ANKRD18A: variants seen among roughly 807,000 people sequenced by gnomAD.
ANKRD18A encodes the protein ankyrin repeat domain-containing protein 18A.
In ANKRD18A, 72 loss-of-function variants were observed where a neutral mutation model predicts 110.6. That is an observed-to-expected ratio of 0.65 (90% CI 0.54 to 0.79). The LOEUF is 0.79. ANKRD18A is among the 30% of genes least tolerant of loss of function. The pLI is 0.00. For synonymous variants in ANKRD18A, 305 were observed against 410.3 expected (o/e 0.74, Z 3.10); for missense variants, 934 against 1,163.3 (o/e 0.80, Z 2.87).
intron 10 of ANKRD18A, among the ~76,000 whole-genome samples, chr9:38,592,054 T>C (rs1048290204): frequency 3.3e-5 from 5 of 152,222 alleles, no homozygotes; most frequent in Non-Finnish European, 7.3e-5. Flanking sequence ...GGCTACATAG[T>C]GAAGGAAGGC....
rs1239958639 is a variant in ANKRD18A, at chr9:38,595,869, G to A, written c.1471C>T (p.Arg491Cys). The change falls in exon 9 of 16, where the codon CGT (arginine) becomes TGT (cysteine). Residue 491 changes from arginine to cysteine, a missense_variant. Arg to Cys is a radical substitution (Grantham distance 180). Transcript: ENST00000399703. ...VKFNTLKGKL[R>C]ETRDALREKT... ...TCCCTGAGAGCATCTCTTGTCTCACGGAGCTTACCTTTTAAGGTATTGAAC... is the reference window on the plus strand; with the variant it reads ...TCCCTGAGAGCATCTCTTGTCTCACAGAGCTTACCTTTTAAGGTATTGAAC... 8.4e-6 allele frequency: 13 copies of A among 1,551,112 alleles called. No homozygotes were observed. The African/African-American group carries it at 1.1e-4, about 13-fold the overall frequency.
intron 3 of ANKRD18A, among the ~76,000 whole-genome samples, chr9:38,614,143 C>G (rs1024422182): frequency 6.8e-6 from 1 of 147,890 alleles, no homozygotes; most frequent in African/African-American, 2.5e-5. Flanking sequence ...TTTCTTATGT[C>G]TTTGACATAC....
At chr9:38,591,933 C>G (rs1023327452) in intron 10 of ANKRD18A, among the ~76,000 whole-genome samples, 3 of 152,166 alleles carry the variant, frequency 2.0e-5, no homozygotes, top group African/African-American at 7.2e-5. Context: ...ACTGCCTTCA[C>G]GAGTACTCTG....
At chr9:38,600,169 CTG>C (rs1825061468) in intron 8 of ANKRD18A, among the ~76,000 whole-genome samples, 1 of 152,194 alleles carries the variant, frequency 6.6e-6, no homozygotes, top group Non-Finnish European at 1.5e-5. Context: ...TTAACTCTCA[CTG>C]TTTGTTTGGA....
chr9:38,598,166 A>G (rs1824969312), intron 8 of ANKRD18A, among the ~76,000 whole-genome samples: 1 of 152,188 alleles, frequency 6.6e-6, no homozygotes, highest in African/African-American at 2.4e-5. Context: ...CCATTTTATC[A>G]TTTAAATAAA....
At chr9:38,576,426 G>C (rs770933017) in intron 14 of ANKRD18A, among the ~76,000 whole-genome samples, 1 of 152,194 alleles carries the variant, frequency 6.6e-6, no homozygotes, top group Non-Finnish European at 1.5e-5. Context: ...CTTCCACACA[G>C]CCCTTCAGGC....
At chr9:38,575,757 T>C in intron 14 of ANKRD18A, 59 bp from the exon 15 acceptor site, 2 of 1,478,950 alleles carry the variant, frequency 1.4e-6, no homozygotes, top group South Asian at 1.4e-5. Context: ...TGATTCTTAA[T>C]GACTTGCATT....
chr9:38,583,093 T>G (rs1824230361), intron 12 of ANKRD18A, among the ~76,000 whole-genome samples: 1 of 152,134 alleles, frequency 6.6e-6, no homozygotes, highest in Non-Finnish European at 1.5e-5. Context: ...ATTAGGAAAA[T>G]GTAAATCAAA....
intron 8 of ANKRD18A, among the ~76,000 whole-genome samples, chr9:38,598,808 C>T (rs612646): frequency 6.6e-6 from 1 of 152,186 alleles, no homozygotes; most frequent in Non-Finnish European, 1.5e-5. Flanking sequence ...GGAACAAGCG[C>T]TGTATTGGTT....
chr9:38,595,641 C>T lies in ANKRD18A; in HGVS notation c.1699G>A (p.Gly567Ser). ...TTAATGACTATCTCTTTATTATCGC[C>T]TTCCTTACGAGCATCCTCTAGTTGT... ...ERQLEDARKE[G>S]DNKEIVINIH... Residue 567 changes from glycine to serine, a missense_variant, in exon 9 of 16, where the codon GGC (glycine) becomes AGC (serine). Transcript: ENST00000399703. 2 of 1,551,054 alleles carry T rather than the reference C, an allele frequency of 1.3e-6. No homozygotes were observed. Among genetic ancestry groups the T allele is most frequent in the Non-Finnish European group, 1.7e-6 (2 of 1,146,622 alleles).
chr9:38,595,161 A>T (rs1172171650), intron 9 of ANKRD18A, among the ~76,000 whole-genome samples: 1 of 152,190 alleles, frequency 6.6e-6, no homozygotes, highest in Non-Finnish European at 1.5e-5. Flanking sequence ...ATCTTTTTTA[A>T]CAAACAGTTC....
At chr9:38,593,727 A>G in intron 10 of ANKRD18A, 33 bp downstream of exon 10, 2 of 1,479,490 alleles carry the variant, frequency 1.4e-6, no homozygotes, top group Non-Finnish European at 1.8e-6. Flanking sequence ...CCAGCTACAG[A>G]TTAACTGTCT....
chr9:38,615,959 C>G lies in ANKRD18A; in HGVS notation c.292G>C (p.Asp98His), dbSNP rs747858221. Residue 98 changes from aspartate to histidine, a missense_variant, in exon 2 of 16, where the codon GAC becomes CAC. Physicochemically the swap from Asp to His is moderately conservative, Grantham distance 81. Transcript: ENST00000399703. Reference sequence around the variant, plus strand: ...ATTAAAGGTGTCCTGTTTAGTCTGTCACAGATGTCGATCTGGCATCTTCTG... The same window carrying G: ...ATTAAAGGTGTCCTGTTTAGTCTGTGACAGATGTCGATCTGGCATCTTCTG... ...LHRRCQIDIC[D>H]RLNRTPLMKA... 1.8e-5 allele frequency: 28 copies of G among 1,579,342 alleles called. 1 individual carries two copies. In the South Asian group the frequency reaches 3.1e-4, roughly 18 times the overall value.
intron 13 of ANKRD18A, among the ~76,000 whole-genome samples, chr9:38,577,554 G>A (rs1275788264): frequency 1.3e-5 from 2 of 152,072 alleles, no homozygotes; most frequent in Non-Finnish European, 2.9e-5. Flanking sequence ...GAACAACGTA[G>A]CTTAAGACCA....
intron 1 of ANKRD18A, 71 bp from the exon 2 acceptor site, chr9:38,616,115 G>T (rs1825848110): frequency 1.6e-6 from 2 of 1,254,416 alleles, no homozygotes; most frequent in South Asian, 3.4e-5. Flanking sequence ...CCATGTCATT[G>T]TAAACATTGA....
chr9:38,580,135 G>A (rs1824093111), intron 12 of ANKRD18A, among the ~76,000 whole-genome samples: 1 of 152,224 alleles, frequency 6.6e-6, no homozygotes, highest in Non-Finnish European at 1.5e-5. Context: ...TGGGCAACAT[G>A]GCTGATGCCC....
In ANKRD18A at chr9:38,593,843, G is replaced by A. The variant is rs1824757983; in HGVS notation, c.1921C>T (p.Pro641Ser). 1 of 1,540,834 alleles carries A rather than the reference G, an allele frequency of 6.5e-7. No homozygotes were observed. The highest frequency in any genetic ancestry group is 1.4e-5 in the African/African-American group (1 of 72,812). ...TGACAATGTGATGTACCTTCCAGTG[G>A]AGACTCTGATATTGAAAATGTTTTA... ...HLKTFSISES[P>S]LEGTSHCHIN... The change falls in exon 10 of 16, where the codon CCA becomes TCA. Residue 641 changes from proline (P) to serine (S), a missense_variant. Around this residue, in one of 4 missense-constraint regions of ANKRD18A, gnomAD observed 630 missense variants for 797.5 expected, o/e 0.79. Coordinates refer to ENST00000399703, the MANE Select transcript of ANKRD18A (RefSeq NM_147195.4).
At chr9:38,600,221 G>A (rs1825062437) in intron 8 of ANKRD18A, among the ~76,000 whole-genome samples, 2 of 152,230 alleles carry the variant, frequency 1.3e-5, no homozygotes, top group African/African-American at 4.8e-5. Context: ...GACAGAAATA[G>A]GTTCACAGAT....
chr9:38,588,417 C>A (rs1824478872), intron 11 of ANKRD18A, 134 bp downstream of exon 11: 56 of 589,516 alleles, frequency 9.5e-5, no homozygotes, highest in East Asian at 4.2e-5. Context: ...TTCTGAAATA[C>A]ATTTTAAAAC....
Sources: gnomAD v4.1 joint callset for allele counts (sites outside exome capture counted in the v4.1 genomes callset) on GRCh38, gnomAD v4.1.1 for gene constraint, gnomAD v4.1.1 regional missense constraint, MANE v1.5 for transcripts, NCBI Gene and HGNC (gene_info 2026-07-23, HGNC 2026-07-21) for gene names.